The following ROBO1 variants were observed in gnomAD, a reference collection of about 807,000 sequenced individuals.
ROBO1 encodes the protein roundabout homolog 1.
In ROBO1, 149 loss-of-function variants were observed where a neutral mutation model predicts 195.9. The ratio of observed to expected loss-of-function variants is 0.76; its 90% CI spans 0.67 to 0.87. The LOEUF (loss-of-function observed/expected upper bound fraction) is 0.87, where lower values mean the gene tolerates loss of function less well. Among genes scored for constraint, ROBO1 ranks in the 40% least tolerant of loss-of-function variants. ROBO1 has a pLI of 0.00. For missense variants in ROBO1, 1,933 were observed against 2,068.3 expected, an observed-to-expected ratio of 0.93 and a Z score of 1.27; for synonymous variants, 816 against 733.2, an observed-to-expected ratio of 1.11 and a Z score of -1.82.
intron 3 of ROBO1, among the ~76,000 whole-genome samples, chr3:79,011,881 T>G (rs983423191): frequency 5.3e-5 from 8 of 152,000 alleles, no homozygotes; most frequent in African/African-American, 1.7e-4. Flanking sequence ...ACAATTTTTT[T>G]TGCTCTTTTA....
intron 10 of ROBO1, among the ~76,000 whole-genome samples, chr3:78,681,771 G>A (rs1184146641): frequency 1.3e-5 from 2 of 152,100 alleles, no homozygotes; most frequent in African/African-American, 2.4e-5. Flanking sequence ...GCGTGGTGGC[G>A]GGAGCCTGCA....
chr3:79,140,568 G>A (rs1343326746), intron 2 of ROBO1, among the ~76,000 whole-genome samples: 4 of 152,108 alleles, frequency 2.6e-5, no homozygotes, highest in Middle Eastern at 3.4e-3. Context: ...CTAATAAGAA[G>A]TTAGTAAAAG....
At chr3:79,004,621 G>C (rs2077579404) in intron 3 of ROBO1, among the ~76,000 whole-genome samples, 2 of 152,118 alleles carry the variant, frequency 1.3e-5, no homozygotes, top group Admixed American at 6.6e-5. Context: ...TGATTCATTA[G>C]GACAAACAGG....
chr3:79,739,501 A>C (rs1319763815), intron 1 of ROBO1, among the ~76,000 whole-genome samples: 1 of 152,208 alleles, frequency 6.6e-6, no homozygotes, highest in Non-Finnish European at 1.5e-5. Context: ...AATTATAATC[A>C]AATCAATATA....
chr3:79,449,269 T>C (rs1057380429), intron 2 of ROBO1, among the ~76,000 whole-genome samples: 2 of 151,914 alleles, frequency 1.3e-5, no homozygotes, highest in Admixed American at 1.3e-4. Flanking sequence ...TTCAGTAATA[T>C]ATGTGTAGGG....
intron 2 of ROBO1, among the ~76,000 whole-genome samples, chr3:79,406,285 A>G (rs1261803076): frequency 6.6e-6 from 1 of 151,558 alleles, no homozygotes; most frequent in Non-Finnish European, 1.5e-5. Context: ...AAAGTTAACC[A>G]GGCATGATGG....
intron 1 of ROBO1, among the ~76,000 whole-genome samples, chr3:79,646,382 T>C (rs1310200118): frequency 6.6e-6 from 1 of 152,100 alleles, no homozygotes; most frequent in Non-Finnish European, 1.5e-5. Flanking sequence ...TCGGTTAAAA[T>C]GGCTTCTATG....
chr3:78,982,787 C>T (rs1406409276), intron 3 of ROBO1, among the ~76,000 whole-genome samples: 1 of 152,022 alleles, frequency 6.6e-6, no homozygotes, highest in South Asian at 2.1e-4. Context: ...CACCAACACG[C>T]CCAGCTAATT....
At chr3:78,624,285 T>C (rs1046068327) in intron 26 of ROBO1, among the ~76,000 whole-genome samples, 7 of 152,272 alleles carry the variant, frequency 4.6e-5, no homozygotes, top group African/African-American at 1.2e-4. Context: ...TTTGTTTATA[T>C]GTATTTTCAA....
At chr3:79,493,168 A>G (rs1939557045) in intron 2 of ROBO1, among the ~76,000 whole-genome samples, 1 of 152,064 alleles carries the variant, frequency 6.6e-6, no homozygotes, top group Non-Finnish European at 1.5e-5. Context: ...AAAAGGTAAG[A>G]TATTATAATT....
intron 19 of ROBO1, among the ~76,000 whole-genome samples, chr3:78,650,759 G>C (rs1001431819): frequency 6.6e-6 from 1 of 152,098 alleles, no homozygotes; most frequent in African/African-American, 2.4e-5. Flanking sequence ...CTGAAGGATG[G>C]GCCCTATAAT....
intron 3 of ROBO1, among the ~76,000 whole-genome samples, chr3:78,983,914 C>A (rs1442141407): frequency 6.6e-6 from 1 of 152,058 alleles, no homozygotes; most frequent in African/African-American, 2.4e-5. Context: ...GGCCAAATGG[C>A]TCAGTTCAGT....
At chr3:78,691,009 A>C (rs1364849864) in intron 8 of ROBO1, among the ~76,000 whole-genome samples, 1 of 152,150 alleles carries the variant, frequency 6.6e-6, no homozygotes, top group Non-Finnish European at 1.5e-5. Flanking sequence ...AAACAAATTT[A>C]CTGTATTTTG....
intron 2 of ROBO1, among the ~76,000 whole-genome samples, chr3:79,432,737 C>T (rs2038727041): frequency 6.6e-6 from 1 of 152,098 alleles, no homozygotes; most frequent in Non-Finnish European, 1.5e-5. Context: ...TCATCAGTTT[C>T]AGGCTGCTTA....
intron 4 of ROBO1, among the ~76,000 whole-genome samples, chr3:78,803,998 G>A (rs182909909): frequency 2.0e-5 from 3 of 152,240 alleles, no homozygotes; most frequent in African/African-American, 7.2e-5. Flanking sequence ...CCTAGACCAT[G>A]TGTCTCTTGT....
At chr3:79,204,533 C>A (rs1201050347) in intron 2 of ROBO1, among the ~76,000 whole-genome samples, 1 of 152,012 alleles carries the variant, frequency 6.6e-6, no homozygotes, top group African/African-American at 2.4e-5. Context: ...CCGTCATAGC[C>A]TGTGTGAGGA....
intron 3 of ROBO1, among the ~76,000 whole-genome samples, chr3:79,004,473 T>C (rs1432430359): frequency 6.6e-6 from 1 of 152,152 alleles, no homozygotes; most frequent in Admixed American, 6.5e-5. Flanking sequence ...GAGATACAGA[T>C]GAGTGTATGC....
At chr3:79,466,952 G>T (rs1471844086) in intron 2 of ROBO1, among the ~76,000 whole-genome samples, 1 of 152,104 alleles carries the variant, frequency 6.6e-6, no homozygotes, top group African/African-American at 2.4e-5. Context: ...TACTAGTAAA[G>T]GTTAAGGGAT....
At chr3:79,021,824 C>A (rs957748202) in intron 3 of ROBO1, among the ~76,000 whole-genome samples, 1 of 152,094 alleles carries the variant, frequency 6.6e-6, no homozygotes, top group Non-Finnish European at 1.5e-5. Flanking sequence ...CCACTCCCGG[C>A]TAATTTTTTG....
Sources: allele counts gnomAD v4.1 joint callset (sites outside exome capture counted in the v4.1 genomes callset), GRCh38; gene constraint gnomAD v4.1.1; transcripts MANE v1.5; gene names NCBI Gene and HGNC (gene_info 2026-07-23, HGNC 2026-07-21).